The following GRXCR1 variants were observed in gnomAD, a reference collection of about 807,000 sequenced individuals.
GRXCR1 encodes glutaredoxin and cysteine rich domain containing 1, also known as glutaredoxin domain-containing cysteine-rich protein 1.
GRXCR1 carries 27 observed loss-of-function variants against 27.3 expected under a neutral mutation model. The observed-to-expected ratio is 0.99, with a 90% CI of 0.73 to 1.37. The LOEUF is 1.37. Among genes scored for constraint, GRXCR1 ranks in the 40% most tolerant of loss-of-function variants. The pLI is 0.00. For synonymous variants in GRXCR1, 122 were observed against 131.1 expected (o/e 0.93, Z 0.47); for missense variants, 379 against 354.4 (o/e 1.07, Z -0.56).
intron 2 of GRXCR1, among the ~76,000 whole-genome samples, chr4:43,005,183 T>C (rs1277877758): frequency 6.6e-6 from 1 of 152,158 alleles, no homozygotes; most frequent in Non-Finnish European, 1.5e-5. Context: ...GTGAAGAAGG[T>C]CCTTGCTTCC....
At chr4:42,931,731 G>A (rs1480361879) in intron 1 of GRXCR1, among the ~76,000 whole-genome samples, 2 of 151,872 alleles carry the variant, frequency 1.3e-5, no homozygotes, top group Non-Finnish European at 2.9e-5. Context: ...TGTGTGTATG[G>A]TGAGACCATG....
intron 1 of GRXCR1, among the ~76,000 whole-genome samples, chr4:42,929,915 C>G (rs1747264711): frequency 1.3e-5 from 2 of 152,002 alleles, no homozygotes; most frequent in South Asian, 4.2e-4. Flanking sequence ...ATTACTATTT[C>G]CATTTTAGGG....
intron 1 of GRXCR1, among the ~76,000 whole-genome samples, chr4:42,938,391 T>TGGGA: frequency 6.6e-6 from 1 of 152,128 alleles, no homozygotes; most frequent in East Asian, 1.9e-4. Flanking sequence ...ACAACGAACA[T>TGGGA]GGGAGTGCAA....
At position 42,963,108 on chromosome 4, in the gene GRXCR1, G is replaced by C; in HGVS notation, c.601G>C (p.Val201Leu). ...RVSEAPSLPV[V>L]FIDGHYLGGA... is the part of the protein sequence containing the mutation. ...TTCTGAAGCTCCTTCCCTCCCTGTT[G>C]TGTTCATTGATGGCCATTACCTTGG... The change falls in exon 2 of 4, where the codon GTG becomes CTG. Residue 201 changes from valine to leucine, a missense_variant. By Grantham distance (32) the Val-to-Leu change is conservative. Transcript: ENST00000399770. 1 of 1,612,700 alleles carries C rather than the reference G, an allele frequency of 6.2e-7. No homozygotes were observed.
chr4:42,934,490 C>T (rs1747410878), intron 1 of GRXCR1, among the ~76,000 whole-genome samples: 1 of 151,538 alleles, frequency 6.6e-6, no homozygotes, highest in African/African-American at 2.4e-5. Context: ...AATATAATTC[C>T]ATGTGAATTA....
At chr4:42,933,451 G>A (rs1685851209) in intron 1 of GRXCR1, among the ~76,000 whole-genome samples, 1 of 152,042 alleles carries the variant, frequency 6.6e-6, no homozygotes, top group Non-Finnish European at 1.5e-5. Flanking sequence ...CAACTGTCAT[G>A]TTCAACAATG....
At chr4:42,918,093 T>A (rs1259985931) in intron 1 of GRXCR1, among the ~76,000 whole-genome samples, 1 of 152,164 alleles carries the variant, frequency 6.6e-6, no homozygotes, top group Non-Finnish European at 1.5e-5. Context: ...ATGGTCTTTC[T>A]CATAGTTCTG....
At chr4:42,929,341 T>C (rs776593850) in intron 1 of GRXCR1, among the ~76,000 whole-genome samples, 1 of 151,986 alleles carries the variant, frequency 6.6e-6, no homozygotes, top group African/African-American at 2.4e-5. Context: ...ATAGCCTGCA[T>C]AGGAAGCAGA....
chr4:43,007,927 A>T (rs935077033), intron 2 of GRXCR1, among the ~76,000 whole-genome samples: 9 of 152,106 alleles, frequency 5.9e-5, no homozygotes, highest in African/African-American at 2.2e-4. Flanking sequence ...CGTTTTGCCC[A>T]TTTTGTTTCA....
intron 1 of GRXCR1, among the ~76,000 whole-genome samples, chr4:42,961,911 G>A (rs143128788): frequency 6.6e-6 from 1 of 152,042 alleles, no homozygotes; most frequent in African/African-American, 2.4e-5. Flanking sequence ...CAGGGGTTTT[G>A]CAAATTGTGT....
chr4:42,926,256 T>C (rs1393944933), intron 1 of GRXCR1, among the ~76,000 whole-genome samples: 1 of 152,042 alleles, frequency 6.6e-6, no homozygotes, highest in Admixed American at 6.6e-5. Flanking sequence ...TTTTTCTTTT[T>C]GCTCAACCCT....
chr4:42,908,259 A>T (rs55675548), intron 1 of GRXCR1, among the ~76,000 whole-genome samples: 21,298 of 152,216 alleles, frequency 0.14, 1,845 homozygotes, highest in Non-Finnish European at 0.2. Flanking sequence ...TGACCTTGTG[A>T]GTATGACGGT....
rs577508872 is a variant in GRXCR1, at chr4:42,907,764, G to A, written c.384+14114G>A. ...TATCATGATGAGCCCAAAGTGACTAGATGTCAGCTATAACTTTAAGTTTAG... is the reference window on the plus strand; with the variant it reads ...TATCATGATGAGCCCAAAGTGACTAAATGTCAGCTATAACTTTAAGTTTAG... On this transcript the variant is annotated intron_variant, in intron 1 of 3. Coordinates refer to ENST00000399770, the MANE Select transcript of GRXCR1 (RefSeq NM_001080476.3). Among the ~76,000 whole-genome samples, 5 of 152,268 alleles carry A rather than the reference G, an allele frequency of 3.3e-5. No individual in the cohort carries two copies. In the South Asian group the frequency reaches 1.0e-3, roughly 32 times the overall value.
intron 2 of GRXCR1, among the ~76,000 whole-genome samples, chr4:42,967,228 A>G (rs1340090829): frequency 6.6e-6 from 1 of 152,038 alleles, no homozygotes; most frequent in Non-Finnish European, 1.5e-5. Flanking sequence ...GTGAAGGAAT[A>G]ATGTTTGTGT....
At chr4:43,018,495 G>C (rs1196307003) in intron 2 of GRXCR1, among the ~76,000 whole-genome samples, 1 of 152,158 alleles carries the variant, frequency 6.6e-6, no homozygotes, top group Non-Finnish European at 1.5e-5. Context: ...TAGTAATGCT[G>C]CAAGAGTTGT....
At chr4:42,950,572 C>T (rs540569318) in intron 1 of GRXCR1, among the ~76,000 whole-genome samples, 19 of 152,200 alleles carry the variant, frequency 1.2e-4, no homozygotes, top group East Asian at 9.7e-4. Context: ...ATGTGGTTAC[C>T]GGGAGATATT....
At chr4:43,010,568 A>C (rs973540849) in intron 2 of GRXCR1, among the ~76,000 whole-genome samples, 11 of 152,244 alleles carry the variant, frequency 7.2e-5, no homozygotes, top group Admixed American at 6.5e-4. Context: ...GGATTCTCTA[A>C]CTAAAAGAAA....
chr4:42,990,392 C>T lies in GRXCR1; in HGVS notation c.627+27258C>T, dbSNP rs372980432. On this transcript the variant is annotated intron_variant, in intron 2 of 3. Coordinates refer to ENST00000399770, the MANE Select transcript of GRXCR1 (RefSeq NM_001080476.3). ...ATTTTTAGTAGAGACGGGGTTTCAC[C>T]GTTTTAGCCGGGATGGTCTCGATCT... Among the ~76,000 whole-genome samples the T allele has an allele frequency of 1.9e-3, 286 of 150,856 alleles. 2 individuals carry two copies. Among genetic ancestry groups the T allele is most frequent in the African/African-American group, 6.7e-3 (275 of 41,214 alleles).
intron 2 of GRXCR1, among the ~76,000 whole-genome samples, chr4:42,993,729 A>G (rs1222110356): frequency 6.6e-6 from 1 of 152,144 alleles, no homozygotes; most frequent in Non-Finnish European, 1.5e-5. Context: ...CTAAATGTGT[A>G]TCATTTCCAC....
Sources: allele counts gnomAD v4.1 joint callset (sites outside exome capture counted in the v4.1 genomes callset), GRCh38; gene constraint gnomAD v4.1.1; transcripts MANE v1.5; gene names NCBI Gene and HGNC (gene_info 2026-07-23, HGNC 2026-07-21).